The following NELL2 variants were observed in gnomAD, a reference collection of about 807,000 sequenced individuals.
NELL2 encodes neural EGFL like 2.
In NELL2, 41 loss-of-function variants were observed where a neutral mutation model predicts 109.6. That is an observed-to-expected ratio of 0.37 (90% confidence interval 0.29 to 0.49). The LOEUF is 0.49. NELL2 is among the 20% of genes least tolerant of loss of function. The pLI is 0.98. For missense variants in NELL2, 900 were observed against 1,008.3 expected, an observed-to-expected ratio of 0.89 and a Z score of 1.45; for synonymous variants, 355 against 344.7, an observed-to-expected ratio of 1.03 and a Z score of -0.33.
chr12:44,604,762 G>A (rs1455744960), intron 15 of NELL2, among the ~76,000 whole-genome samples: 3 of 152,096 alleles, frequency 2.0e-5, no homozygotes, highest in African/African-American at 4.8e-5. Flanking sequence ...TATCCTGAGG[G>A]CAATGGGGAA....
In NELL2 at chr12:44,547,419, A is replaced by G. The variant is rs534480347; in HGVS notation, c.1664-14698T>C. Among the ~76,000 whole-genome samples the G allele has an allele frequency of 3.9e-5, 6 of 152,340 alleles. No individual in the cohort carries two copies. In the South Asian group the frequency reaches 1.2e-3, roughly 32 times the overall value. Reference sequence around the variant, plus strand: ...TGTCATGGAAAAATGCTTGCGATAAATATCATGTAAACGAGGTAGGATCAA... The same window carrying G: ...TGTCATGGAAAAATGCTTGCGATAAGTATCATGTAAACGAGGTAGGATCAA... On this transcript the variant is annotated intron_variant, in intron 15 of 19. Coordinates refer to ENST00000429094, the MANE Select transcript of NELL2 (RefSeq NM_001145108.2).
At chr12:44,739,587 C>T (rs929930707) in intron 9 of NELL2, among the ~76,000 whole-genome samples, 1 of 152,086 alleles carries the variant, frequency 6.6e-6, no homozygotes, top group African/African-American at 2.4e-5. Context: ...ATTCAAATTT[C>T]AGTAACAATA....
chr12:44,709,370 T>C (rs1308894865), intron 11 of NELL2, among the ~76,000 whole-genome samples: 1 of 152,108 alleles, frequency 6.6e-6, no homozygotes, highest in Non-Finnish European at 1.5e-5. Context: ...TTAGATTACG[T>C]AGAGAGGGAG....
At position 44,842,109 on chromosome 12, in the gene NELL2, G is replaced by GGAGGGAGGGAGGAAGGA. The variant is rs1944246139; in HGVS notation, c.185-25974_185-25973insTCCTTCCTCCCTCCCTC. Among the ~76,000 whole-genome samples, 81 of 38,758 alleles carry GGAGGGAGGGAGGAAGGA rather than the reference G, an allele frequency of 2.1e-3. 2 individuals are homozygous for GGAGGGAGGGAGGAAGGA. Among genetic ancestry groups the GGAGGGAGGGAGGAAGGA allele is most frequent in the African/African-American group, 8.6e-3 (80 of 9,284 alleles). 25.4% of individuals were successfully genotyped at this position (38,758 alleles called of 152,430 possible). Reference sequence around the variant, plus strand: ...GAAGGGAGGGAGGGAGGGAGGGAGGGAGGAAGGAAGGAAGGAAGGAAGGAA... The same window carrying GGAGGGAGGGAGGAAGGA: ...GAAGGGAGGGAGGGAGGGAGGGAGGGGAGGGAGGGAGGAAGGAAGGAAGGAAGGAAGGAAGGAAGGAA... On this transcript the variant is annotated intron_variant, in intron 2 of 19. Coordinates refer to ENST00000429094, the MANE Select transcript of NELL2 (RefSeq NM_001145108.2).
At chr12:44,658,451 A>G (rs956536737) in intron 13 of NELL2, among the ~76,000 whole-genome samples, 1 of 152,242 alleles carries the variant, frequency 6.6e-6, no homozygotes, top group Non-Finnish European at 1.5e-5. Context: ...AGGACACAAC[A>G]AATGGAAAAA....
At chr12:44,648,633 G>A (rs570069238) in intron 13 of NELL2, among the ~76,000 whole-genome samples, 173 of 149,310 alleles carry the variant, frequency 1.2e-3, no homozygotes, top group African/African-American at 3.7e-3. Flanking sequence ...GAATGAGATA[G>A]TATCATACCT....
At chr12:44,678,373 G>A (rs1948385072) in intron 12 of NELL2, among the ~76,000 whole-genome samples, 1 of 152,008 alleles carries the variant, frequency 6.6e-6, no homozygotes, top group East Asian at 1.9e-4. Flanking sequence ...TAACCTTGCA[G>A]GTTGCAAAAT....
intron 2 of NELL2, among the ~76,000 whole-genome samples, chr12:44,839,612 C>T (rs1944159664): frequency 6.6e-6 from 1 of 152,170 alleles, no homozygotes; most frequent in South Asian, 2.1e-4. Context: ...ATGTCATTAT[C>T]TAATTCCAAT....
At chr12:44,520,735 G>T (rs1941487557) in intron 18 of NELL2, among the ~76,000 whole-genome samples, 1 of 149,706 alleles carries the variant, frequency 6.7e-6, no homozygotes, top group African/African-American at 2.5e-5. Flanking sequence ...TAGAGACTTT[G>T]AAAAAAAAAG....
At chr12:44,880,140 C>CACAG (rs1459402812), upstream of NELL2, among the ~76,000 whole-genome samples, 217 of 147,510 alleles carry the variant, frequency 1.5e-3, 3 homozygotes, top group African/African-American at 5.4e-3. Context: ...CACACACACA[C>CACAG]AGAGAGAGAG....
chr12:44,876,767 G>C, upstream of NELL2: 1 of 1,461,974 alleles, frequency 6.8e-7, no homozygotes, highest in Non-Finnish European at 9.0e-7. Flanking sequence ...CCGGGGTGCA[G>C]GGCACTCCCC....
intron 19 of NELL2, among the ~76,000 whole-genome samples, chr12:44,516,179 A>G (rs1457920776): frequency 6.6e-6 from 1 of 151,998 alleles, no homozygotes; most frequent in Non-Finnish European, 1.5e-5. Flanking sequence ...TATAAGTATA[A>G]CACATCATAT....
In NELL2 at chr12:44,875,280, G is replaced by A; in HGVS notation, c.129C>T (p.Thr43=). 1.2e-6 allele frequency: 2 copies of A among 1,614,100 alleles called. No homozygotes were observed. The highest frequency in any genetic ancestry group is 1.1e-5 in the South Asian group (1 of 91,072). ...GCAGCCCCGGGACCTGACGCACTCC[G>A]GTCGTGGACTCCCCAAGTTCTAACT... ...LTELELGEST[T]GVRQVPGLHN... is the part of the protein sequence containing the mutation. Residue 43 remains threonine, a synonymous_variant, in exon 2 of 20, where the codon ACC becomes ACT. Coordinates refer to ENST00000429094, the MANE Select transcript of NELL2 (RefSeq NM_001145108.2).
At chr12:44,911,761 T>C (rs1945782446) in intron 1 of NELL2, among the ~76,000 whole-genome samples, 1 of 151,772 alleles carries the variant, frequency 6.6e-6, no homozygotes, top group Non-Finnish European at 1.5e-5. Flanking sequence ...AAGCAAAATA[T>C]ATATTTATAA....
At chr12:44,628,820 C>T (rs1382791707) in intron 13 of NELL2, among the ~76,000 whole-genome samples, 3 of 152,122 alleles carry the variant, frequency 2.0e-5, no homozygotes, top group Non-Finnish European at 2.9e-5. Flanking sequence ...ATCAGGTGTG[C>T]CCACCTAAAT....
At chr12:44,536,020 C>T (rs963244576) in intron 15 of NELL2, among the ~76,000 whole-genome samples, 2 of 151,898 alleles carry the variant, frequency 1.3e-5, no homozygotes, top group Admixed American at 6.6e-5. Flanking sequence ...CTTCATATTA[C>T]ACTTTAATGT....
chr12:44,688,745 T>G (rs956548228), intron 12 of NELL2, among the ~76,000 whole-genome samples: 1 of 152,222 alleles, frequency 6.6e-6, no homozygotes, highest in African/African-American at 2.4e-5. Context: ...TTGGCATTTT[T>G]AAAAAATAAT....
rs1461319004 is a variant in NELL2, at chr12:44,624,996, G to GTGTATA, written c.1445-14027_1445-14026insTATACA. On this transcript the variant is annotated intron_variant, in intron 13 of 19. Coordinates refer to ENST00000429094, the MANE Select transcript of NELL2 (RefSeq NM_001145108.2). ...ATGACAAATATATATATATGTGTGT[G>GTGTATA]TATATATATATATATATATATATAT... is the stretch of plus-strand genomic sequence containing the variant. Among the ~76,000 whole-genome samples the GTGTATA allele has an allele frequency of 2.2e-4, 16 of 71,124 alleles. No individual in the cohort carries two copies. The East Asian group carries it at 4.9e-3, about 22-fold the overall frequency. 46.7% of individuals were successfully genotyped at this position (71,124 alleles called of 152,430 possible). A position where few individuals can be genotyped will look rare whatever the true frequency, so the allele number is the denominator to read the frequency against.
chr12:44,609,456 G>A (rs1268472592), intron 14 of NELL2, among the ~76,000 whole-genome samples: 1 of 152,028 alleles, frequency 6.6e-6, no homozygotes, highest in Non-Finnish European at 1.5e-5. Context: ...TTAAACTTAA[G>A]AATTGTTTAT....
Sources: gnomAD v4.1 joint callset for allele counts (sites outside exome capture counted in the v4.1 genomes callset) on GRCh38, gnomAD v4.1.1 for gene constraint, MANE v1.5 for transcripts, NCBI Gene and HGNC (gene_info 2026-07-23, HGNC 2026-07-21) for gene names.